The following AMY2A variants were observed in gnomAD, a reference collection of about 807,000 sequenced individuals.
AMY2A encodes the protein pancreatic alpha-amylase.
AMY2A carries 16 observed loss-of-function variants against 43.0 expected under a neutral mutation model. The ratio of observed to expected loss-of-function variants is 0.37; its 90% CI spans 0.25 to 0.56. The LOEUF (loss-of-function observed/expected upper bound fraction) is 0.56. Ranked by LOEUF, AMY2A falls within the 20% of genes least tolerant of loss-of-function variation. AMY2A has a pLI of 0.77. For synonymous variants in AMY2A, 70 were observed against 144.6 expected, an observed-to-expected ratio of 0.48 and a Z score of 3.70; for missense variants, 212 against 456.8, an observed-to-expected ratio of 0.46 and a Z score of 4.89.
rs1467783292 is a variant in AMY2A at position 103,623,854 on chromosome 1, C to T, written c.1102-12C>T. On this transcript the variant is annotated splice_polypyrimidine_tract_variant and intron_variant, in intron 7 of 9. Coordinates refer to ENST00000414303, the MANE Select transcript of AMY2A (RefSeq NM_000699.4). The stretch of plus-strand genomic sequence containing the variant: ...TGCATAGTAAAATTTGGCTTTTTCC[C>T]CCCTACTTAAGGATGTTAATGATTG... The T allele has an allele frequency of 6.2e-7, 1 of 1,607,880 alleles. No homozygotes were observed. The highest frequency in any genetic ancestry group is 1.7e-5 in the Admixed American group (1 of 59,620).
chr1:103,623,671 C>T (rs1653245874), intron 7 of AMY2A, among the ~76,000 whole-genome samples, 195 bp from the exon 8 acceptor site: 1 of 122,106 alleles, frequency 8.2e-6, no homozygotes, highest in African/African-American at 3.4e-5. Context: ...TTGAAATATG[C>T]CAGAAGAAAA....
In AMY2A at chr1:103,617,630, A is replaced by T. The variant is rs781178207; in HGVS notation, c.168+22A>T. 10 of 1,600,900 alleles carry T rather than the reference A, an allele frequency of 6.2e-6. No individual in the cohort carries two copies. The East Asian group carries it at 2.2e-4, about 36-fold the overall frequency. ...TCAGGTGGGTATGATTCATAGTATC[A>T]ATTGCGGAATTCACTGTGCTTGTAG... On this transcript the variant is annotated intron_variant, in intron 1 of 9. Transcript: ENST00000414303.
Position 103,624,991 on chromosome 1 carries a change from C to G in AMY2A, c.1347-566C>G, listed in dbSNP as rs1173933442. Among the ~76,000 whole-genome samples, 2 of 130,372 alleles carry G rather than the reference C, an allele frequency of 1.5e-5. 1 individual carries two copies. Among genetic ancestry groups the G allele is most frequent in the Admixed American group, 1.5e-4 (2 of 13,534 alleles). The allele number at this position is 130,372 out of a possible 152,430, so 85.5% of individuals were successfully genotyped here. Reference sequence around the variant, plus strand: ...AAAAGTAAATAAATACATCAATATACAAGTCAAGTTGATCTCTTTCCTGCC... The same window carrying G: ...AAAAGTAAATAAATACATCAATATAGAAGTCAAGTTGATCTCTTTCCTGCC... On this transcript the variant is annotated intron_variant, in intron 9 of 9. Coordinates refer to ENST00000414303, the MANE Select transcript of AMY2A (RefSeq NM_000699.4).
chr1:103,623,721 A>G (rs1279452619), intron 7 of AMY2A, 145 bp from the exon 8 acceptor site: 9 of 1,013,054 alleles, frequency 8.9e-6, no homozygotes, highest in African/African-American at 7.6e-5. Flanking sequence ...GTAAAGGGCT[A>G]TAAACATTAA....
chr1:103,623,887 C>G lies in AMY2A; in HGVS notation c.1123C>G (p.Pro375Ala). 1 of 1,610,320 alleles carries G rather than the reference C, an allele frequency of 6.2e-7. No individual in the cohort carries two copies. Among genetic ancestry groups the G allele is most frequent in the Admixed American group, 1.7e-5 (1 of 59,882 alleles). ...NGNDVNDWVGPPNNNGVIKEV... is the reference protein window; with the variant it reads ...NGNDVNDWVGAPNNNGVIKEV... ...TAAGGATGTTAATGATTGGGTTGGG[C>G]CACCAAATAATAATGGAGTAATTAA... Residue 375 changes from proline (P) to alanine (A), a missense_variant, in exon 8 of 10, where the codon CCA becomes GCA. Coordinates refer to ENST00000414303, the MANE Select transcript of AMY2A (RefSeq NM_000699.4).
At chr1:103,618,241 G>A (rs760328135) in intron 2 of AMY2A, 141 bp downstream of exon 2, 3 of 1,341,542 alleles carry the variant, frequency 2.2e-6, no homozygotes, top group Admixed American at 2.7e-5. Context: ...AAAATTAACT[G>A]TTTATTTATG....
rs1423677974 is a variant in AMY2A at position 103,623,569 on chromosome 1, C to T, written c.1102-297C>T. Among the ~76,000 whole-genome samples, 5 of 92,968 alleles carry T rather than the reference C, an allele frequency of 5.4e-5. 2 individuals are homozygous for T. Among genetic ancestry groups the T allele is most frequent in the South Asian group, 6.4e-4 (2 of 3,116 alleles). The allele number at this position is 92,968 out of a possible 152,430, so 61.0% of individuals were successfully genotyped here. On this transcript the variant is annotated intron_variant, in intron 7 of 9. Transcript: ENST00000414303. ...GATCAAGGCTGCAGTGAGCTATGAT[C>T]ATGCCACTGTACTCCAGCCTGGGTG...
rs539873586 is a variant in AMY2A at position 103,617,454 on chromosome 1, T to G, written c.14T>G (p.Leu5Arg). ...CTTCAAAGCAAAATGAAGTTCTTTC[T>G]GTTGCTTTTCACCATTGGGTTCTGC... MKFF[L>R]LLFTIGFCWA... Residue 5 changes from leucine (L) to arginine (R), a missense_variant, in exon 1 of 10, where the codon CTG becomes CGG. This residue lies in a region of AMY2A where 199 missense variants were observed against 210.6 expected (regional missense o/e 0.94). Transcript: ENST00000414303. 406 of 1,600,118 alleles carry G rather than the reference T, an allele frequency of 2.5e-4. 5 individuals are homozygous for G. The Middle Eastern group carries it at 3.4e-3, about 13-fold the overall frequency.
chr1:103,619,126 G>T lies in AMY2A; in HGVS notation c.513+18G>T, dbSNP rs780927998. The T allele has an allele frequency of 1.9e-5, 16 of 858,722 alleles. 2 individuals carry two copies. The highest frequency in any genetic ancestry group is 3.5e-6 in the Non-Finnish European group (2 of 578,778). 53.2% of individuals were successfully genotyped at this position (858,722 alleles called of 1,614,324 possible). ...CTACTCAGGTAATTTTTTTACGAGA[G>T]TGATCTGAATAAAAGAGTAATATAT... On this transcript the variant is annotated intron_variant, in intron 3 of 9. Coordinates refer to ENST00000414303, the MANE Select transcript of AMY2A (RefSeq NM_000699.4).
rs1392584040 is a variant in AMY2A, at chr1:103,618,416, G to A, written c.315+316G>A. The stretch of plus-strand genomic sequence containing the variant: ...TAGGAAGTATAATTCCAGTTACAAT[G>A]TTTGCTATCATTTTTAGGTGACTTG... On this transcript the variant is annotated intron_variant, in intron 2 of 9. Transcript: ENST00000414303. Among the ~76,000 whole-genome samples, 3 of 150,710 alleles carry A rather than the reference G, an allele frequency of 2.0e-5. 1 individual carries two copies. Among genetic ancestry groups the A allele is most frequent in the South Asian group, 2.1e-4 (1 of 4,792 alleles).
chr1:103,619,963 A>T, intron 4 of AMY2A, 179 bp downstream of exon 4: 2 of 1,362,042 alleles, frequency 1.5e-6, no homozygotes, highest in Non-Finnish European at 2.0e-6. Flanking sequence ...AACATGTTTT[A>T]TGGAGGTACA....
chr1:103,617,872 A>T, intron 1 of AMY2A, 82 bp from the exon 2 acceptor site: 2 of 1,586,600 alleles, frequency 1.3e-6, no homozygotes, highest in South Asian at 1.1e-5. Context: ...AGAATCTTTT[A>T]TACTATTGAT....
chr1:103,617,264 A>G, upstream of AMY2A: 2 of 1,332,112 alleles, frequency 1.5e-6, no homozygotes, highest in Non-Finnish European at 1.0e-6. Flanking sequence ...GATGATTTCC[A>G]TGAGAGACTT....
Position 103,623,202 on chromosome 1 carries a change from G to C in AMY2A, c.1102-664G>C, listed in dbSNP as rs1490400650. The stretch of plus-strand genomic sequence containing the variant: ...AGAAACTGAGACACAGAGATATTAA[G>C]TGTATTGATTAAATTTTCTCAGGTA... On this transcript the variant is annotated intron_variant, in intron 7 of 9. Coordinates refer to ENST00000414303, the MANE Select transcript of AMY2A (RefSeq NM_000699.4). Among the ~76,000 whole-genome samples the C allele has an allele frequency of 7.5e-5, 8 of 107,216 alleles. 3 individuals carry two copies. Among genetic ancestry groups the C allele is most frequent in the African/African-American group, 1.1e-4 (3 of 26,532 alleles). The allele number at this position is 107,216 out of a possible 152,430, so 70.3% of individuals were successfully genotyped here.
intron 9 of AMY2A, 78 bp downstream of exon 9, chr1:103,624,299 CTT>C: frequency 1.6e-6 from 1 of 612,646 alleles, no homozygotes; most frequent in Non-Finnish European, 2.5e-6. Flanking sequence ...TGTTCATTGA[CTT>C]TTATCATATC....
Position 103,617,438 on chromosome 1 carries a change from A to G in AMY2A, c.-3A>G. On this transcript the variant is annotated 5_prime_UTR_variant, in exon 1 of 10. Coordinates refer to ENST00000414303, the MANE Select transcript of AMY2A (RefSeq NM_000699.4). Reference sequence around the variant, plus strand: ...GAAAGGACACTGACAACTTCAAAGCAAAATGAAGTTCTTTCTGTTGCTTTT... The same window carrying G: ...GAAAGGACACTGACAACTTCAAAGCGAAATGAAGTTCTTTCTGTTGCTTTT... 1.3e-6 allele frequency: 2 copies of G among 1,599,340 alleles called. No individual in the cohort carries two copies. Among genetic ancestry groups the G allele is most frequent in the Non-Finnish European group, 1.7e-6 (2 of 1,169,478 alleles).
chr1:103,619,873 A>G lies in AMY2A; in HGVS notation c.744+89A>G, dbSNP rs552084944. 6 of 1,550,234 alleles carry G rather than the reference A, an allele frequency of 3.9e-6. No homozygotes were observed. The East Asian group carries it at 6.8e-5, about 18-fold the overall frequency. ...TAATTAAAAATGCAATTTCTGTAGG[A>G]TAAGGAATGAGACATTTACATAAAA... On this transcript the variant is annotated intron_variant, in intron 4 of 9. Transcript: ENST00000414303.
Position 103,617,563 on chromosome 1 carries a change from T to C in AMY2A, c.123T>C (p.Leu41=), listed in dbSNP as rs151319661. 9.2e-5 allele frequency: 147 copies of C among 1,600,780 alleles called. 16 individuals carry two copies. Among genetic ancestry groups the C allele is most frequent in the Non-Finnish European group, 1.1e-4 (133 of 1,170,878 alleles). ...LFEWRWVDIA[L]ECERYLAPKG... ...AATGGCGATGGGTTGATATTGCTCTTGAATGTGAGCGATATTTAGCTCCGA... is the reference window on the plus strand; with the variant it reads ...AATGGCGATGGGTTGATATTGCTCTCGAATGTGAGCGATATTTAGCTCCGA... The change falls in exon 1 of 10, where the codon CTT becomes CTC. Residue 41 remains leucine (L), a synonymous_variant. Transcript: ENST00000414303.
chr1:103,618,411 A>G (rs1653141433), intron 2 of AMY2A, among the ~76,000 whole-genome samples: 1 of 150,734 alleles, frequency 6.6e-6, no homozygotes, highest in South Asian at 2.1e-4. Flanking sequence ...AATTCCAGTT[A>G]CAATGTTTGC....
Sources: gnomAD v4.1 joint callset for allele counts (sites outside exome capture counted in the v4.1 genomes callset) on GRCh38, gnomAD v4.1.1 for gene constraint, gnomAD v4.1.1 regional missense constraint, MANE v1.5 for transcripts, NCBI Gene and HGNC (gene_info 2026-07-23, HGNC 2026-07-21) for gene names.